Variants in ABLIM1 observed in about 807,000 individuals in gnomAD.
ABLIM1 encodes the protein actin-binding LIM protein 1.
Under a neutral mutation model 107.0 loss-of-function variants are expected in ABLIM1, and 40 were observed. The observed-to-expected ratio is 0.37, with a 90% CI of 0.29 to 0.49. ABLIM1 has a LOEUF of 0.49. ABLIM1 is among the 20% of genes least tolerant of loss of function. ABLIM1 has a pLI of 0.97. For missense variants in ABLIM1, 857 were observed against 1,008.5 expected (o/e 0.85, Z 2.04); for synonymous variants, 357 against 357.3 (o/e 1.00, Z 0.01).
At chr10:114,490,967 C>CATATATAT (rs1308060270) in intron 7 of ABLIM1, among the ~76,000 whole-genome samples, 1 of 102,770 alleles carries the variant, frequency 9.7e-6, no homozygotes, top group Non-Finnish European at 1.9e-5. Flanking sequence ...CCACGCCCGG[C>CATATATAT]ATATATATGT....
intron 1 of ABLIM1, among the ~76,000 whole-genome samples, chr10:114,716,966 G>A (rs1277769848): frequency 6.6e-6 from 1 of 151,956 alleles, no homozygotes; most frequent in Admixed American, 6.6e-5. Flanking sequence ...AAAGTCAAGT[G>A]TACATGTGTG....
intron 1 of ABLIM1, among the ~76,000 whole-genome samples, chr10:114,696,518 A>T (rs1800119878): frequency 6.6e-6 from 1 of 152,144 alleles, no homozygotes; most frequent in Non-Finnish European, 1.5e-5. Context: ...TAGCTCCCAT[A>T]ATTCTCATGT....
intron 6 of ABLIM1, among the ~76,000 whole-genome samples, chr10:114,511,227 C>T (rs959738108): frequency 1.3e-5 from 2 of 151,968 alleles, no homozygotes; most frequent in South Asian, 2.1e-4. Context: ...GTAAGTTTAT[C>T]ACTGAGGAAA....
chr10:114,564,409 C>T (rs955731089), intron 4 of ABLIM1, among the ~76,000 whole-genome samples: 5 of 151,722 alleles, frequency 3.3e-5, no homozygotes, highest in East Asian at 1.9e-4. Context: ...GGACTACCGG[C>T]GCGTGCAAGA....
chr10:114,705,043 T>A (rs1190713646), intron 1 of ABLIM1, among the ~76,000 whole-genome samples: 1 of 152,160 alleles, frequency 6.6e-6, no homozygotes, highest in Non-Finnish European at 1.5e-5. Context: ...TTCTTTTTTT[T>A]TTCATTAGCA....
At chr10:114,779,738 TGTAATATA>T in the ABLIM1 span, 1 of 152,202 alleles carries the variant, frequency 6.6e-6, no homozygotes, top group Non-Finnish European at 1.5e-5. Context: ...ATAGAATGGG[TGTAATATA>T]GTTTAGGTAA....
At chr10:114,687,227 T>A (rs909750672), upstream of ABLIM1, among the ~76,000 whole-genome samples, 2 of 152,208 alleles carry the variant, frequency 1.3e-5, no homozygotes, top group South Asian at 2.1e-4. Flanking sequence ...ATAAATAAGA[T>A]AAGAAGCATT....
chr10:114,439,297 A>T (rs780061185), intron 20 of ABLIM1, 47 bp from the exon 21 acceptor site: 10 of 1,605,008 alleles, frequency 6.2e-6, no homozygotes, highest in Middle Eastern at 1.6e-4. Flanking sequence ...ATAGTCTAGG[A>T]AACTGAAGGG....
intron 9 of ABLIM1, 89 bp downstream of exon 9, chr10:114,473,790 T>C: frequency 1.0e-6 from 1 of 965,408 alleles, no homozygotes; most frequent in Non-Finnish European, 1.6e-6. Flanking sequence ...TCACTTTGAA[T>C]CAGTTTTTGT....
intron 8 of ABLIM1, among the ~76,000 whole-genome samples, chr10:114,484,853 C>A (rs188701514): frequency 6.6e-6 from 1 of 152,352 alleles, no homozygotes; most frequent in Non-Finnish European, 1.5e-5. Flanking sequence ...GGAAGCGACC[C>A]TGGAAACCTT....
At chr10:114,517,613 G>C (rs1032528544) in intron 6 of ABLIM1, among the ~76,000 whole-genome samples, 1 of 151,634 alleles carries the variant, frequency 6.6e-6, no homozygotes, top group African/African-American at 2.4e-5. Flanking sequence ...TTAAAGGGCG[G>C]GGAGGGGGGC....
rs140562159 is a variant in ABLIM1 at position 114,630,859 on chromosome 10, T to C, written c.244+27098A>G. On this transcript the variant is annotated intron_variant, in intron 1 of 22. Transcript: ENST00000533213. ...AATTAAAGAGTGGTTATTTACATTA[T>C]AAAATCATTTGGTGAAGGTCCCTAA... Among the ~76,000 whole-genome samples, 1,457 of 152,238 alleles carry C rather than the reference T, an allele frequency of 9.6e-3. 32 individuals carry two copies. Among genetic ancestry groups the C allele is most frequent in the African/African-American group, 0.034 (1,404 of 41,536 alleles).
intron 1 of ABLIM1, among the ~76,000 whole-genome samples, chr10:114,727,214 TA>T (rs2081978576): frequency 6.6e-6 from 1 of 152,170 alleles, no homozygotes; most frequent in Non-Finnish European, 1.5e-5. Context: ...AACAAATGCT[TA>T]AAAAGCCTTC....
intron 1 of ABLIM1, among the ~76,000 whole-genome samples, chr10:114,760,404 T>TCA (rs3981296): frequency 0.064 from 9,209 of 143,382 alleles, 328 homozygotes; most frequent in Admixed American, 0.12. Context: ...AATTTCTCCT[T>TCA]CACACACACA....
rs2077726104 is a variant in ABLIM1 at position 114,625,416 on chromosome 10, A to C, written c.245-23455T>G. Among the ~76,000 whole-genome samples, 3 of 152,154 alleles carry C rather than the reference A, an allele frequency of 2.0e-5. No homozygotes were observed. In the South Asian group the frequency reaches 6.2e-4, roughly 32 times the overall value. ...GTTTTGGGAAGACAGACAGCATTAG[A>C]GGCAGCAACACTTCACAGCTCCTAA... On this transcript the variant is annotated intron_variant, in intron 1 of 22. Coordinates refer to ENST00000533213, the MANE Select transcript of ABLIM1 (RefSeq NM_002313.7).
chr10:114,786,708 G>A, the ABLIM1 span, among the ~76,000 whole-genome samples: 3 of 152,194 alleles, frequency 2.0e-5, no homozygotes, highest in African/African-American at 7.2e-5. Context: ...GGTTGGCCAG[G>A]CTGGTCTCCA....
intron 3 of ABLIM1, 138 bp from the exon 4 acceptor site, chr10:114,571,544 A>G: frequency 1.3e-6 from 1 of 783,882 alleles, no homozygotes; most frequent in Admixed American, 2.2e-5. Context: ...TGCAGTCATA[A>G]CCAAGCCAGC....
At chr10:114,663,112 A>G (rs1404954639), upstream of ABLIM1, among the ~76,000 whole-genome samples, 1 of 152,170 alleles carries the variant, frequency 6.6e-6, no homozygotes. Flanking sequence ...ACATCTCTTC[A>G]TCCTTCCCCT....
chr10:114,706,096 A>G (rs2081415265), intron 1 of ABLIM1, among the ~76,000 whole-genome samples: 1 of 152,228 alleles, frequency 6.6e-6, no homozygotes, highest in Non-Finnish European at 1.5e-5. Context: ...CTTGATGACA[A>G]TCTCAGAATC....
Sources: gnomAD v4.1 joint callset for allele counts (sites outside exome capture counted in the v4.1 genomes callset) on GRCh38, gnomAD v4.1.1 for gene constraint, MANE v1.5 for transcripts, NCBI Gene and HGNC (gene_info 2026-07-23, HGNC 2026-07-21) for gene names.